Variants in TBC1D16 observed in about 807,000 individuals in gnomAD.
The protein encoded by TBC1D16 is CTD-2529O21.1.
In TBC1D16, 58 loss-of-function variants were observed where a neutral mutation model predicts 74.7. The ratio of observed to expected loss-of-function variants is 0.78; its 90% CI spans 0.63 to 0.97. TBC1D16 has a LOEUF of 0.97. TBC1D16 is among the 50% of genes least tolerant of loss of function. The pLI, the probability that TBC1D16 is intolerant of heterozygous loss-of-function variation, is 0.00. For missense variants in TBC1D16, 1,014 were observed against 1,079.5 expected (o/e 0.94, Z 0.85); for synonymous variants, 493 against 474.7 (o/e 1.04, Z -0.50).
chr17:79,962,742 T>C (rs1183248399), intron 3 of TBC1D16, among the ~76,000 whole-genome samples: 1 of 150,910 alleles, frequency 6.6e-6, no homozygotes, highest in Non-Finnish European at 1.5e-5. Context: ...GTGACCAGCC[T>C]GACCAACATG....
chr17:79,959,689 T>A (rs1050985302), intron 3 of TBC1D16, among the ~76,000 whole-genome samples: 4 of 152,114 alleles, frequency 2.6e-5, no homozygotes, highest in African/African-American at 9.7e-5. Flanking sequence ...TCAACTCTTT[T>A]CTCCCATCAC....
chr17:80,010,363 C>T lies in TBC1D16; in HGVS notation c.576G>A (p.Pro192=), dbSNP rs764595771. ...CCCGCCCCTCCTCGGTGACATCCTG[C>T]GGACTGACCGTCGACAAGATCCCGG... ...SPSGILSTVS[P]QDVTEEGREP... is the part of the protein sequence containing the mutation. The change falls in exon 3 of 12, where the codon CCG becomes CCA. Residue 192 remains proline (P), a synonymous_variant. Coordinates refer to ENST00000310924, the MANE Select transcript of TBC1D16 (RefSeq NM_019020.4). This position sits in a 1 kb window ranked among gnomAD's most constrained non-coding sequence, Gnocchi z 8.8. 9 of 1,611,882 alleles carry T rather than the reference C, an allele frequency of 5.6e-6. No homozygotes were observed. Among genetic ancestry groups the T allele is most frequent in the African/African-American group, 2.7e-5 (2 of 74,904 alleles).
chr17:79,947,014 T>A (rs1299451985), intron 9 of TBC1D16, among the ~76,000 whole-genome samples: 1 of 152,194 alleles, frequency 6.6e-6, no homozygotes. Flanking sequence ...AGTGAGCAGG[T>A]GCCCTGGCTC....
rs2143075946 is a variant in TBC1D16 at position 80,020,053 on chromosome 17, G to A, written c.-62-6444C>T. On this transcript the variant is annotated intron_variant, in intron 1 of 11. Transcript: ENST00000310924. Reference sequence around the variant, plus strand: ...TATAAAAAGAGGAAGTTGGTAGCAGGTGCCTATATACAAGGAGAGTGCTGT... The same window carrying A: ...TATAAAAAGAGGAAGTTGGTAGCAGATGCCTATATACAAGGAGAGTGCTGT... Among the ~76,000 whole-genome samples the A allele has an allele frequency of 1.3e-5, 2 of 149,648 alleles. 1 individual carries two copies. Among genetic ancestry groups the A allele is most frequent in the South Asian group, 4.2e-4 (2 of 4,734 alleles).
chr17:80,013,631 G>C, intron 1 of TBC1D16, 22 bp from the exon 2 acceptor site: 1 of 1,381,808 alleles, frequency 7.2e-7, no homozygotes, highest in Non-Finnish European at 9.6e-7. Flanking sequence ...AGAGAGAGGA[G>C]ATGGTCAAGG....
chr17:79,950,804 A>C lies in TBC1D16; in HGVS notation c.1090-226T>G. On this transcript the variant is annotated intron_variant, in intron 5 of 11. Transcript: ENST00000310924. The surrounding 1 kb of genome is among the most constrained non-coding windows in gnomAD (Gnocchi z 4.6). Reference sequence around the variant, plus strand: ...TCTGCGGCTCTCTCCTCCCCGGCCCACTGTGCCGCCGCCCCCCACTCTCTC... The same window carrying C: ...TCTGCGGCTCTCTCCTCCCCGGCCCCCTGTGCCGCCGCCCCCCACTCTCTC... 1 of 1,535,726 alleles carries C rather than the reference A, an allele frequency of 6.5e-7. No homozygotes were observed. Among genetic ancestry groups the C allele is most frequent in the South Asian group, 1.2e-5 (1 of 84,030 alleles).
chr17:79,973,450 C>T (rs2034198243), intron 3 of TBC1D16, among the ~76,000 whole-genome samples: 2 of 152,170 alleles, frequency 1.3e-5, no homozygotes, highest in African/African-American at 4.8e-5. Flanking sequence ...TGGCTTACGC[C>T]TGTAATCCCA....
At chr17:79,965,244 T>C (rs1327765280) in intron 3 of TBC1D16, among the ~76,000 whole-genome samples, 3 of 152,044 alleles carry the variant, frequency 2.0e-5, no homozygotes, top group Non-Finnish European at 4.4e-5. Context: ...CACGCCCGGC[T>C]AATTTTTTTG....
chr17:80,008,649 C>A lies in TBC1D16; in HGVS notation c.779+1511G>T, dbSNP rs1007567962. On this transcript the variant is annotated intron_variant, in intron 3 of 11. Transcript: ENST00000310924. The surrounding 1 kb of genome is among the most constrained non-coding windows in gnomAD (Gnocchi z 4.5). ...ACCAGAGTTCGGGCCCCGCCTCCCCCACACCTCCTCGGGTTCCCTGGCGCC... is the reference window on the plus strand; with the variant it reads ...ACCAGAGTTCGGGCCCCGCCTCCCCAACACCTCCTCGGGTTCCCTGGCGCC... Among the ~76,000 whole-genome samples, 11 of 152,186 alleles carry A rather than the reference C, an allele frequency of 7.2e-5. No homozygotes were observed.
chr17:79,951,702 A>G, intron 4 of TBC1D16, 105 bp from the exon 5 acceptor site: 1 of 1,369,518 alleles, frequency 7.3e-7, no homozygotes, highest in South Asian at 1.4e-5. Flanking sequence ...CCTCAGAAGC[A>G]GGAAACAGTG....
At chr17:80,030,970 C>G (rs886633853) in intron 1 of TBC1D16, among the ~76,000 whole-genome samples, 2 of 152,218 alleles carry the variant, frequency 1.3e-5, no homozygotes, top group South Asian at 2.1e-4. Context: ...TTATTAAACA[C>G]GAGCCAGACA....
rs769229730 is a variant in TBC1D16 at position 80,010,259 on chromosome 17, T to C, written c.680A>G (p.Asp227Gly). The part of the protein sequence containing the change: ...AEGVSRDSSF[D>G]SDSDTFSSPF... ...CGAGGAGAAGGTGTCTGAGTCTGAG[T>C]CAAAGGAGCTGTCTCTGCTCACGCC... is the stretch of plus-strand genomic sequence containing the variant. Residue 227 changes from aspartate to glycine, a missense_variant, in exon 3 of 12, where the codon GAC becomes GGC. Transcript: ENST00000310924. This position sits in a 1 kb window ranked among gnomAD's most constrained non-coding sequence, Gnocchi z 8.8. The C allele has an allele frequency of 3.3e-5, 53 of 1,613,374 alleles. No homozygotes were observed. The highest frequency in any genetic ancestry group is 1.5e-4 in the Admixed American group (9 of 59,980).
rs1455129171 is a variant in TBC1D16 at position 79,950,984 on chromosome 17, TC to T, written c.1090-407del. On this transcript the variant is annotated intron_variant, in intron 5 of 11. Coordinates refer to ENST00000310924, the MANE Select transcript of TBC1D16 (RefSeq NM_019020.4). This position sits in a 1 kb window ranked among gnomAD's most constrained non-coding sequence, Gnocchi z 4.6. ...CCTGTCAGATTGCCTCCGCGAGCAG[TC>T]ACGAATCCAGGGCAAAACTGCAGCT... 1.3e-6 allele frequency: 1 copy of T among 778,914 alleles called. No homozygotes were observed. The highest frequency in any genetic ancestry group is 2.0e-6 in the Non-Finnish European group (1 of 512,250). 48.3% of individuals were successfully genotyped at this position (778,914 alleles called of 1,614,324 possible). A position where few individuals can be genotyped will look rare whatever the true frequency, so the allele number is the denominator to read the frequency against.
At chr17:80,011,466 C>A (rs1045961922) in intron 2 of TBC1D16, among the ~76,000 whole-genome samples, 2 of 152,172 alleles carry the variant, frequency 1.3e-5, no homozygotes, top group Non-Finnish European at 2.9e-5. Flanking sequence ...GCCCAGGTGC[C>A]CAGCTTCATG....
chr17:80,025,679 T>C (rs1232857647), intron 1 of TBC1D16: 1 of 122,336 alleles, frequency 8.2e-6, no homozygotes, highest in Non-Finnish European at 1.6e-5. Flanking sequence ...AGGGAGACAC[T>C]GCTGCCTAAT....
chr17:79,952,574 C>T, intron 4 of TBC1D16, 83 bp downstream of exon 4: 2 of 1,491,548 alleles, frequency 1.3e-6, no homozygotes, highest in South Asian at 2.6e-5. Flanking sequence ...CCAAGCCGTG[C>T]ACTGCACCGG....
In TBC1D16 at chr17:79,950,204, GTGTTT is replaced by G. The variant is rs1213689814; in HGVS notation, c.1257+202_1257+206del. On this transcript the variant is annotated intron_variant, in intron 6 of 11. Coordinates refer to ENST00000310924, the MANE Select transcript of TBC1D16 (RefSeq NM_019020.4). The surrounding 1 kb of genome is among the most constrained non-coding windows in gnomAD (Gnocchi z 4.6). Reference sequence around the variant, plus strand: ...CCCCCAAACCCTCGAGGGAGGTGTTGTGTTTTGTTTTTTTTTTTCAACGCAGCAGC... The same window carrying G: ...CCCCCAAACCCTCGAGGGAGGTGTTGTGTTTTTTTTTTTCAACGCAGCAGC... Among the ~76,000 whole-genome samples the G allele has an allele frequency of 1.3e-5, 2 of 151,768 alleles. No individual in the cohort carries two copies. The highest frequency in any genetic ancestry group is 2.4e-5 in the African/African-American group (1 of 41,338).
rs2033315430 is a variant in TBC1D16 at position 79,955,991 on chromosome 17, T to C, written c.780-3173A>G. ...TGTGGCAAACATGGTGTTAGGTGAG[T>C]TCTGGGGCCTAGGCAGCCCCTCACT... is the stretch of plus-strand genomic sequence containing the variant. On this transcript the variant is annotated intron_variant, in intron 3 of 11. Coordinates refer to ENST00000310924, the MANE Select transcript of TBC1D16 (RefSeq NM_019020.4). Among the ~76,000 whole-genome samples, 3 of 152,296 alleles carry C rather than the reference T, an allele frequency of 2.0e-5. 1 individual carries two copies. The South Asian group carries it at 6.2e-4, about 32-fold the overall frequency.
At chr17:80,006,504 GGGATGGGGATGGGGCAAGGAGCACCA>G (rs1266685778) in intron 3 of TBC1D16, among the ~76,000 whole-genome samples, 1 of 152,136 alleles carries the variant, frequency 6.6e-6, no homozygotes, top group Admixed American at 6.5e-5. Flanking sequence ...AAGGCCCCGG[GGGATGGGGATGGGGCAAGGAGCACCA>G]CCTCTGCTTC....
Sources: allele counts gnomAD v4.1 joint callset (sites outside exome capture counted in the v4.1 genomes callset), GRCh38; gene constraint gnomAD v4.1.1; non-coding constraint Gnocchi (gnomAD v3.1); transcripts MANE v1.5; gene names NCBI Gene and HGNC (gene_info 2026-07-23, HGNC 2026-07-21).